MYOM2: variants seen among roughly 807,000 people sequenced by gnomAD.
The protein encoded by MYOM2 is myomesin-2.
Under a neutral mutation model 187.6 loss-of-function variants are expected in MYOM2, and 254 were observed. The ratio of observed to expected loss-of-function variants is 1.35; its 90% CI spans 1.22 to 1.50. MYOM2 has a LOEUF of 1.50. Ranked by LOEUF, MYOM2 falls within the 40% of genes most tolerant of loss-of-function variation. MYOM2 has a pLI of 0.00. For missense variants in MYOM2, 2,796 were observed against 1,924.0 expected (o/e 1.45, Z -8.48); for synonymous variants, 981 against 753.8 (o/e 1.30, Z -4.94).
intron 6 of MYOM2, among the ~76,000 whole-genome samples, chr8:2,067,059 A>T (rs1226427792): frequency 6.6e-6 from 1 of 152,174 alleles, no homozygotes; most frequent in African/African-American, 2.4e-5. Flanking sequence ...TATCTGACAT[A>T]TTGAAACTGG....
chr8:2,108,675 C>A, intron 23 of MYOM2, 111 bp from the exon 24 acceptor site: 1 of 1,010,128 alleles, frequency 9.9e-7, no homozygotes, highest in Non-Finnish European at 1.5e-6. Context: ...TTCGTGTCCT[C>A]CAATTAAATC....
intron 3 of MYOM2, 38 bp downstream of exon 3, chr8:2,052,351 C>A (rs769224326): frequency 1.3e-6 from 2 of 1,559,304 alleles, no homozygotes; most frequent in South Asian, 1.2e-5. Flanking sequence ...TTGTGCCCTG[C>A]GTGGGGTCAC....
intron 32 of MYOM2, among the ~76,000 whole-genome samples, chr8:2,135,206 T>C (rs77959748): frequency 0.13 from 19,790 of 152,150 alleles, 2,175 homozygotes; most frequent in African/African-American, 0.28. Context: ...CTCATATCTC[T>C]GTGAGAAACA....
In MYOM2 at chr8:2,143,235, T is replaced by A. The variant is rs1798339683; in HGVS notation, c.4025-166T>A. ...CATCTACCTTCCCTTGGCTTTGGTT[T>A]ATCCCTCAACTGTAAACATATAAAC... On this transcript the variant is annotated intron_variant, in intron 35 of 36. Coordinates refer to ENST00000262113, the MANE Select transcript of MYOM2 (RefSeq NM_003970.4). 7.8e-6 allele frequency: 6 copies of A among 770,716 alleles called. No homozygotes were observed. In the African/African-American group the frequency reaches 8.6e-5, roughly 11 times the overall value. The allele number at this position is 770,716 out of a possible 1,614,324, so 47.7% of individuals were successfully genotyped here. A position where few individuals can be genotyped will look rare whatever the true frequency, so the allele number is the denominator to read the frequency against.
At position 2,096,421 on chromosome 8, in the gene MYOM2, C is replaced by T. The variant is rs146291971; in HGVS notation, c.2300C>T (p.Pro767Leu). 89 of 1,614,148 alleles carry T rather than the reference C, an allele frequency of 5.5e-5. No homozygotes were observed. The African/African-American group carries it at 6.9e-4, about 13-fold the overall frequency. Residue 767 changes from proline (P) to leucine (L), a missense_variant, in exon 18 of 37, where the codon CCG becomes CTG. Transcript: ENST00000262113. ...WHEVNSSPSKPTILTVDGLTE... is the reference protein window; with the variant it reads ...WHEVNSSPSKLTILTVDGLTE... ...GAGGTCAATTCCTCACCCAGCAAACCGACAATCCTAACGGTCAGTTGGTTT... is the reference window on the plus strand; with the variant it reads ...GAGGTCAATTCCTCACCCAGCAAACTGACAATCCTAACGGTCAGTTGGTTT...
intron 3 of MYOM2, 125 bp from the exon 4 acceptor site, chr8:2,057,223 G>C (rs1585825483): frequency 9.1e-7 from 1 of 1,098,010 alleles, no homozygotes; most frequent in East Asian, 2.6e-5. Flanking sequence ...CATTTCTCCT[G>C]TTCTCTTCTT....
Position 2,123,555 on chromosome 8 carries a change from T to C in MYOM2, c.3568T>C (p.Leu1190=). 6.2e-7 allele frequency: 1 copy of C among 1,612,492 alleles called. No homozygotes were observed. The highest frequency in any genetic ancestry group is 2.2e-5 in the East Asian group (1 of 44,868). ...RGICELLIPK[L]SKKDHGEYKA... is the part of the protein sequence containing the mutation. ...AATATGGAATGTGTTTTCTTTGTAG[T>C]TGTCAAAGAAGGACCACGGTGAATA... The change falls in exon 30 of 37, where the codon TTG becomes CTG. Residue 1190 remains leucine, a splice_region_variant and synonymous_variant. Coordinates refer to ENST00000262113, the MANE Select transcript of MYOM2 (RefSeq NM_003970.4).
At chr8:2,138,197 C>T (rs543120320) in intron 32 of MYOM2, among the ~76,000 whole-genome samples, 21 of 152,154 alleles carry the variant, frequency 1.4e-4, no homozygotes, top group African/African-American at 4.3e-4. Flanking sequence ...CTGGCAAGTC[C>T]GTGTTGCCTT....
chr8:2,057,358 C>G lies in MYOM2; in HGVS notation c.274C>G (p.Leu92Val), dbSNP rs753629984. 5 of 1,607,284 alleles carry G rather than the reference C, an allele frequency of 3.1e-6. No individual in the cohort carries two copies. Among genetic ancestry groups the G allele is most frequent in the Non-Finnish European group, 4.3e-6 (5 of 1,176,372 alleles). Residue 92 changes from leucine (L) to valine (V), a missense_variant, in exon 4 of 37, where the codon CTG becomes GTG. Physicochemically the swap from Leu to Val is conservative, Grantham distance 32. Coordinates refer to ENST00000262113, the MANE Select transcript of MYOM2 (RefSeq NM_003970.4). The part of the protein sequence containing the change: ...EQENRSRYQS[L>V]VAAYGEAKRQ... ...TCTCGGCTCCTGCAGGTACCAGTCCCTGGTGGCCGCCTATGGTGAGGCCAA... is the reference window on the plus strand; with the variant it reads ...TCTCGGCTCCTGCAGGTACCAGTCCGTGGTGGCCGCCTATGGTGAGGCCAA...
Position 2,117,915 on chromosome 8 carries a change from AT to A in MYOM2, c.3417del (p.Asp1139GlufsTer64), listed in dbSNP as rs868440737. ...CATTTTGCTGAGTACTTGCACTGGGATGTCACGGAAGAATGTGAAGTTCGAC... is the reference window on the plus strand; with the variant it reads ...CATTTTGCTGAGTACTTGCACTGGGAGTCACGGAAGAATGTGAAGTTCGAC... ...GPHFAEYLHW[D>X]VTEECEVRLV... On this transcript the variant is annotated frameshift_variant, in exon 28 of 37. Transcript: ENST00000262113. LOFTEE classifies it high-confidence loss of function. 5.3e-5 allele frequency: 86 copies of A among 1,612,520 alleles called. No homozygotes were observed. Among genetic ancestry groups the A allele is most frequent in the Non-Finnish European group, 7.0e-5 (83 of 1,179,478 alleles).
chr8:2,079,444 C>A, intron 12 of MYOM2, 116 bp from the exon 13 acceptor site: 1 of 976,994 alleles, frequency 1.0e-6, no homozygotes, highest in Non-Finnish European at 1.6e-6. Flanking sequence ...CCCCAGAGGA[C>A]TCACAGGTTG....
intron 8 of MYOM2, among the ~76,000 whole-genome samples, chr8:2,070,049 G>A (rs1232364114): frequency 1.3e-5 from 2 of 152,194 alleles, no homozygotes; most frequent in Non-Finnish European, 2.9e-5. Context: ...GTAATGAGGC[G>A]AAGCCCTCTC....
intron 3 of MYOM2, among the ~76,000 whole-genome samples, chr8:2,055,914 C>T (rs934968469): frequency 4.6e-5 from 7 of 152,148 alleles, no homozygotes; most frequent in African/African-American, 9.7e-5. Context: ...CTTGGTGGCT[C>T]GTGCACAGTG....
chr8:2,063,367 G>A (rs1480005673), intron 6 of MYOM2, among the ~76,000 whole-genome samples: 1 of 152,150 alleles, frequency 6.6e-6, no homozygotes, highest in Non-Finnish European at 1.5e-5. Flanking sequence ...ACGGTAGCTG[G>A]ATTCTTAAAG....
At chr8:2,113,058 G>C (rs35838459) in intron 25 of MYOM2, among the ~76,000 whole-genome samples, 1 of 152,032 alleles carries the variant, frequency 6.6e-6, no homozygotes. Context: ...AGATCGATCC[G>C]ACAGGTAGAT....
chr8:2,045,752 C>T (rs547516871), intron 1 of MYOM2, among the ~76,000 whole-genome samples: 2 of 152,178 alleles, frequency 1.3e-5, no homozygotes, highest in African/African-American at 2.4e-5. Context: ...TGTGTTGTGA[C>T]CCTTCAGACT....
chr8:2,083,011 G>A (rs1010546699), intron 13 of MYOM2, among the ~76,000 whole-genome samples: 89 of 152,124 alleles, frequency 5.9e-4, no homozygotes, highest in African/African-American at 2.1e-3. Flanking sequence ...AAAGTGATAT[G>A]TTTTTATGAG....
At chr8:2,130,089 G>T (rs912922091) in intron 32 of MYOM2, among the ~76,000 whole-genome samples, 91 of 151,852 alleles carry the variant, frequency 6.0e-4, no homozygotes, top group African/African-American at 2.2e-3. Flanking sequence ...TACCCAGGGC[G>T]CCCACACCCC....
At chr8:2,137,509 C>G (rs1433215350) in intron 32 of MYOM2, among the ~76,000 whole-genome samples, 1 of 151,850 alleles carries the variant, frequency 6.6e-6, no homozygotes, top group African/African-American at 2.4e-5. Context: ...GGAATCCTGT[C>G]CCACGGGTCT....
Sources: allele counts gnomAD v4.1 joint callset (sites outside exome capture counted in the v4.1 genomes callset), GRCh38; gene constraint gnomAD v4.1.1; transcripts MANE v1.5; gene names NCBI Gene and HGNC (gene_info 2026-07-23, HGNC 2026-07-21).